SASH1: variants seen among roughly 807,000 people sequenced by gnomAD.
SASH1 encodes the protein SAM and SH3 domain-containing protein 1.
A neutral mutation model predicts 125.2 loss-of-function variants in SASH1; 44 were observed. The observed-to-expected ratio is 0.35, with a 90% CI of 0.28 to 0.45. The LOEUF is 0.45. SASH1 is among the 20% of genes least tolerant of loss of function. The pLI is 1.00. For synonymous variants in SASH1, 639 were observed against 649.1 expected (o/e 0.98, Z 0.24); for missense variants, 1,426 against 1,614.5 (o/e 0.88, Z 2.00).
intron 1 of SASH1, among the ~76,000 whole-genome samples, chr6:148,384,121 C>G (rs796620781): frequency 6.6e-6 from 1 of 152,148 alleles, no homozygotes; most frequent in African/African-American, 2.4e-5. Flanking sequence ...GGAAAGAGAA[C>G]TTGAATCTGC....
intron 1 of SASH1, among the ~76,000 whole-genome samples, chr6:148,292,738 T>C (rs1325445706): frequency 1.3e-5 from 2 of 152,144 alleles, no homozygotes; most frequent in African/African-American, 2.4e-5. Flanking sequence ...GTAGGTTCAA[T>C]GCCAGGCTTT....
the SASH1 span, among the ~76,000 whole-genome samples, chr6:148,222,452 G>A: frequency 6.6e-6 from 1 of 152,006 alleles, no homozygotes; most frequent in African/African-American, 2.4e-5. Flanking sequence ...CCCTCAGGAA[G>A]AGACACCGAG....
the SASH1 span, among the ~76,000 whole-genome samples, chr6:148,257,869 T>C: frequency 6.6e-6 from 1 of 152,156 alleles, no homozygotes; most frequent in African/African-American, 2.4e-5. Context: ...GACCCTGTGA[T>C]CCGCCCACCT....
chr6:148,368,449 T>C (rs1246775711), intron 1 of SASH1, among the ~76,000 whole-genome samples: 3 of 152,100 alleles, frequency 2.0e-5, no homozygotes, highest in Non-Finnish European at 4.4e-5. Flanking sequence ...TTTTGTGTTT[T>C]TAGTAGAGAC....
intron 5 of SASH1, among the ~76,000 whole-genome samples, chr6:148,470,739 G>A (rs1778064287): frequency 6.6e-6 from 1 of 152,122 alleles, no homozygotes; most frequent in African/African-American, 2.4e-5. Context: ...TGACACAGCG[G>A]GATTGCAGTC....
chr6:148,310,882 T>C (rs1446288284), intron 1 of SASH1, among the ~76,000 whole-genome samples: 1 of 152,164 alleles, frequency 6.6e-6, no homozygotes, highest in Non-Finnish European at 1.5e-5. Context: ...AAGCATTGCC[T>C]ATTGGAATAG....
intron 1 of SASH1, among the ~76,000 whole-genome samples, chr6:148,303,912 A>G (rs1780046925): frequency 6.6e-6 from 1 of 152,192 alleles, no homozygotes; most frequent in Admixed American, 6.5e-5. Flanking sequence ...GAAAAATGCA[A>G]TATACCAAAA....
chr6:148,250,946 A>T, the SASH1 span, among the ~76,000 whole-genome samples: 3 of 152,224 alleles, frequency 2.0e-5, no homozygotes, highest in Non-Finnish European at 4.4e-5. Flanking sequence ...GTGCCTTGTT[A>T]TGACAAGGAA....
chr6:148,294,478 A>G (rs1562310389), intron 1 of SASH1, among the ~76,000 whole-genome samples: 1 of 152,208 alleles, frequency 6.6e-6, no homozygotes, highest in Non-Finnish European at 1.5e-5. Flanking sequence ...GAATGATAGT[A>G]ATAGGCCCTT....
At chr6:148,326,358 GCA>G (rs1491558565) in intron 1 of SASH1, among the ~76,000 whole-genome samples, 1 of 12,458 alleles carries the variant, frequency 8.0e-5, no homozygotes, top group Non-Finnish European at 1.5e-4. Context: ...ATATATATAT[GCA>G]TATATATATA....
chr6:148,318,167 C>G (rs1780529128), intron 1 of SASH1, among the ~76,000 whole-genome samples: 1 of 152,164 alleles, frequency 6.6e-6, no homozygotes, highest in African/African-American at 2.4e-5. Flanking sequence ...ATTTTTAGAA[C>G]ACTTCTATGT....
chr6:148,451,083 A>G (rs1302802509), intron 4 of SASH1, among the ~76,000 whole-genome samples: 1 of 152,200 alleles, frequency 6.6e-6, no homozygotes, highest in Non-Finnish European at 1.5e-5. Context: ...CCCTAATCCC[A>G]GAAGAACCAA....
intron 4 of SASH1, among the ~76,000 whole-genome samples, chr6:148,449,074 A>G (rs369992529): frequency 3.1e-5 from 1 of 32,746 alleles, no homozygotes; most frequent in South Asian, 1.3e-3. Flanking sequence ...ATTTCATTTC[A>G]TTTCTTTTTT....
At chr6:148,452,480 C>G (rs1051619430) in intron 4 of SASH1, among the ~76,000 whole-genome samples, 4 of 152,234 alleles carry the variant, frequency 2.6e-5, no homozygotes, top group African/African-American at 9.6e-5. Context: ...CTCTGCATAT[C>G]CCACTATGTT....
At chr6:148,379,889 A>G (rs554331294) in intron 1 of SASH1, 9 of 456,462 alleles carry the variant, frequency 2.0e-5, no homozygotes, top group African/African-American at 1.4e-4. Flanking sequence ...ATCTTGTTCC[A>G]TCTATATCTG....
intron 1 of SASH1, among the ~76,000 whole-genome samples, chr6:148,349,451 A>G (rs1475700309): frequency 6.6e-6 from 1 of 151,584 alleles, no homozygotes; most frequent in Admixed American, 6.6e-5. Context: ...TTTAGTAGAA[A>G]TGGGTTTTCA....
chr6:148,543,180 C>A (rs1430549061), intron 17 of SASH1, among the ~76,000 whole-genome samples: 1 of 152,166 alleles, frequency 6.6e-6, no homozygotes, highest in Non-Finnish European at 1.5e-5. Flanking sequence ...GATAAACTTA[C>A]TAGAAGGAGG....
the SASH1 span, among the ~76,000 whole-genome samples, chr6:148,199,117 C>G: frequency 6.6e-6 from 1 of 152,162 alleles, no homozygotes; most frequent in Non-Finnish European, 1.5e-5. Context: ...CGTGGTGGCT[C>G]ACACCTGTAA....
At chr6:148,304,350 G>C (rs188911214) in intron 1 of SASH1, among the ~76,000 whole-genome samples, 1 of 151,850 alleles carries the variant, frequency 6.6e-6, no homozygotes. Flanking sequence ...CAGGAGAATG[G>C]TGTGAACCCG....
Sources: allele counts gnomAD v4.1 joint callset (sites outside exome capture counted in the v4.1 genomes callset), GRCh38; gene constraint gnomAD v4.1.1; transcripts MANE v1.5; gene names NCBI Gene and HGNC (gene_info 2026-07-23, HGNC 2026-07-21).